The following TLL2 variants were observed in gnomAD, a reference collection of about 807,000 sequenced individuals.
TLL2 encodes the protein tolloid like 2.
Under a neutral mutation model 123.0 loss-of-function variants are expected in TLL2, and 106 were observed. The observed-to-expected ratio is 0.86, with a 90% CI of 0.74 to 1.01. The LOEUF is 1.01. Ranked by LOEUF, TLL2 falls within the 50% of genes least tolerant of loss-of-function variation. The pLI is 0.00. For synonymous variants in TLL2, 494 were observed against 516.8 expected (o/e 0.96, Z 0.60); for missense variants, 1,332 against 1,336.7 (o/e 1.00, Z 0.06).
chr10:96,480,543 G>A (rs1057398799), intron 1 of TLL2, 84 bp from the exon 2 acceptor site: 15 of 1,100,400 alleles, frequency 1.4e-5, no homozygotes, highest in Non-Finnish European at 1.9e-5. Context: ...GGCATTGGGT[G>A]TTGGGTGGTA....
chr10:96,500,658 G>A (rs922831391), intron 1 of TLL2, among the ~76,000 whole-genome samples: 2 of 152,076 alleles, frequency 1.3e-5, no homozygotes, highest in African/African-American at 4.8e-5. Flanking sequence ...GGTGGTGCAT[G>A]TGCCTATAGT....
intron 7 of TLL2, 148 bp from the exon 8 acceptor site, chr10:96,413,464 G>C: frequency 1.0e-6 from 1 of 1,003,008 alleles, no homozygotes; most frequent in South Asian, 1.7e-5. Context: ...GACTGAAGAG[G>C]TTTCCTTCGC....
chr10:96,489,908 C>T (rs959849216), intron 1 of TLL2, among the ~76,000 whole-genome samples: 8 of 152,160 alleles, frequency 5.3e-5, no homozygotes, highest in Non-Finnish European at 1.0e-4. Context: ...ACCAGCCTGG[C>T]CAACATGGTG....
intron 18 of TLL2, chr10:96,374,646 C>T (rs3827862): frequency 0.5 from 75,269 of 152,054 alleles, 20,327 homozygotes; most frequent in Non-Finnish European, 0.62. Flanking sequence ...GGCTGGCCTG[C>T]CCCAGCTCAC....
chr10:96,506,263 AAAG>A (rs869225749), intron 1 of TLL2, among the ~76,000 whole-genome samples: 23,104 of 110,368 alleles, frequency 0.21, 4,483 homozygotes, highest in Middle Eastern at 0.31. Context: ...AAAAAAAAAA[AAAG>A]AAAAAAAAAA....
chr10:96,499,926 C>T (rs1847515469), intron 1 of TLL2, among the ~76,000 whole-genome samples: 1 of 151,886 alleles, frequency 6.6e-6, no homozygotes, highest in Non-Finnish European at 1.5e-5. Context: ...TTTTCTCCAA[C>T]CAGCAACGGT....
chr10:96,416,737 C>T (rs761106232), intron 7 of TLL2, among the ~76,000 whole-genome samples: 6 of 152,254 alleles, frequency 3.9e-5, no homozygotes, highest in Non-Finnish European at 8.8e-5. Flanking sequence ...TCCTAAGCTG[C>T]CAGCAAGAGC....
chr10:96,370,199 C>T lies in TLL2; in HGVS notation c.2779G>A (p.Asp927Asn), dbSNP rs1272028184. ...ARCDWVIVAE[D>N]GYGVELTFRT... ...AATGTCAGCTCCACGCCGTAGCCGT[C>T]CTCTGCCACGATCACCCAGTCACAG... The change falls in exon 20 of 21, where the codon GAC (aspartate) becomes AAC (asparagine). Residue 927 changes from aspartate to asparagine, a missense_variant. Transcript: ENST00000357947. 3 of 1,614,082 alleles carry T rather than the reference C, an allele frequency of 1.9e-6. No homozygotes were observed. Among genetic ancestry groups the T allele is most frequent in the East Asian group, 2.2e-5 (1 of 44,876 alleles).
intron 1 of TLL2, among the ~76,000 whole-genome samples, chr10:96,486,488 G>A (rs1847357696): frequency 6.6e-6 from 1 of 152,170 alleles, no homozygotes; most frequent in Non-Finnish European, 1.5e-5. Flanking sequence ...AAGAGCTGCA[G>A]GTCTAAGACA....
intron 6 of TLL2, among the ~76,000 whole-genome samples, chr10:96,421,792 AC>A (rs1209364027): frequency 2.0e-5 from 3 of 151,856 alleles, no homozygotes; most frequent in African/African-American, 7.3e-5. Context: ...AGCCAAGATC[AC>A]GCCACTGCAC....
At chr10:96,513,067 G>T (rs1453172726) in intron 1 of TLL2, among the ~76,000 whole-genome samples, 1 of 152,234 alleles carries the variant, frequency 6.6e-6, no homozygotes, top group Admixed American at 6.5e-5. Context: ...ACAGATCTTG[G>T]GAAACTTTGC....
chr10:96,401,677 A>T (rs574722181), intron 10 of TLL2, among the ~76,000 whole-genome samples: 263 of 152,302 alleles, frequency 1.7e-3, no homozygotes, highest in Admixed American at 2.7e-3. Context: ...CAGGATCTAT[A>T]ATGAGAAAAT....
chr10:96,402,548 GC>G (rs1380063935), intron 10 of TLL2, among the ~76,000 whole-genome samples: 1 of 152,182 alleles, frequency 6.6e-6, no homozygotes, highest in Non-Finnish European at 1.5e-5. Flanking sequence ...CCTTCTGGCT[GC>G]TAGAGAGCGC....
At position 96,513,622 on chromosome 10, in the gene TLL2, C is replaced by T. The variant is rs2134120354; in HGVS notation, c.64G>A (p.Gly22Ser). The change falls in exon 1 of 21, where the codon GGC becomes AGC. Residue 22 changes from glycine (G) to serine (S), a missense_variant. Transcript: ENST00000357947. ...SLLLLLPLPR[G>S]AGGLGERPDA... is the part of the protein sequence containing the mutation. ...GGGCGCTCCCCGAGTCCCCCGGCGCCGCGAGGCAGCGGCAGCAGCAGCAGC... is the reference window on the plus strand; with the variant it reads ...GGGCGCTCCCCGAGTCCCCCGGCGCTGCGAGGCAGCGGCAGCAGCAGCAGC... 1.9e-6 allele frequency: 3 copies of T among 1,599,922 alleles called. No individual in the cohort carries two copies. Among genetic ancestry groups the T allele is most frequent in the East Asian group, 2.2e-5 (1 of 44,566 alleles).
At chr10:96,493,092 C>T (rs904812864) in intron 1 of TLL2, among the ~76,000 whole-genome samples, 9 of 152,172 alleles carry the variant, frequency 5.9e-5, no homozygotes, top group Admixed American at 5.9e-4. Context: ...TTCTGCAGCA[C>T]CCACACCGTG....
At chr10:96,489,961 T>C (rs1847395116) in intron 1 of TLL2, among the ~76,000 whole-genome samples, 1 of 152,018 alleles carries the variant, frequency 6.6e-6, no homozygotes, top group Admixed American at 6.6e-5. Context: ...CCAGGCGTGG[T>C]TGTGCGCGCC....
Position 96,513,891 on chromosome 10 carries a change from T to C in TLL2, c.-206A>G, listed in dbSNP as rs140692591. The C allele has an allele frequency of 0.028, 15,436 of 545,480 alleles. 285 individuals are homozygous for C. The highest frequency in any genetic ancestry group is 0.036 in the Non-Finnish European group (11,886 of 330,430). The allele number at this position is 545,480 out of a possible 1,614,324, so 33.8% of individuals were successfully genotyped here. A position where few individuals can be genotyped will look rare whatever the true frequency, so the allele number is the denominator to read the frequency against. The stretch of plus-strand genomic sequence containing the variant: ...CCGGGAAGCAGCCGCTCGGAGCTAC[T>C]TGCCCGGCGGCCGAGGCTGCGGCGG... On this transcript the variant is annotated 5_prime_UTR_variant, in exon 1 of 21. Coordinates refer to ENST00000357947, the MANE Select transcript of TLL2 (RefSeq NM_012465.4).
rs761979856 is a variant in TLL2, at chr10:96,386,983, C to T, written c.1822G>A (p.Glu608Lys). The T allele has an allele frequency of 6.2e-6, 10 of 1,614,154 alleles. No homozygotes were observed. The highest frequency in any genetic ancestry group is 2.7e-5 in the African/African-American group (2 of 75,044). ...CACATCTTCTTATCGGCGGCCAGCTCGTAGCCAGGGTCACAGGCACACTTG... is the reference window on the plus strand; with the variant it reads ...CACATCTTCTTATCGGCGGCCAGCTTGTAGCCAGGGTCACAGGCACACTTG... ...SYKCACDPGY[E>K]LAADKKMCEV... Residue 608 changes from glutamate (E) to lysine (K), a missense_variant, in exon 14 of 21, where the codon GAG (glutamate) becomes AAG (lysine). Coordinates refer to ENST00000357947, the MANE Select transcript of TLL2 (RefSeq NM_012465.4).
intron 7 of TLL2, among the ~76,000 whole-genome samples, chr10:96,420,365 G>C (rs1589418169): frequency 6.6e-6 from 1 of 152,204 alleles, no homozygotes; most frequent in African/African-American, 2.4e-5. Context: ...AACAGACCCT[G>C]CCCATGCCAG....
Sources: allele counts gnomAD v4.1 joint callset (sites outside exome capture counted in the v4.1 genomes callset), GRCh38; gene constraint gnomAD v4.1.1; transcripts MANE v1.5; gene names NCBI Gene and HGNC (gene_info 2026-07-23, HGNC 2026-07-21).